Variants in NPR3 observed in about 807,000 individuals in gnomAD.
The protein encoded by NPR3 is natriuretic peptide receptor 3.
In NPR3, 34 loss-of-function variants were observed where a neutral mutation model predicts 54.5. The observed-to-expected ratio is 0.62, with a 90% CI of 0.47 to 0.83. The LOEUF (loss-of-function observed/expected upper bound fraction) is 0.83, where lower values mean the gene tolerates loss of function less well. NPR3 is among the 40% of genes least tolerant of loss of function. The pLI is 0.00. For missense variants in NPR3, 674 were observed against 720.8 expected (o/e 0.94, Z 0.74); for synonymous variants, 289 against 297.1 (o/e 0.97, Z 0.28).
At chr5:32,752,360 G>A (rs1261411111) in intron 3 of NPR3, among the ~76,000 whole-genome samples, 1 of 152,172 alleles carries the variant, frequency 6.6e-6, no homozygotes, top group Admixed American at 6.5e-5. Context: ...GACACTTCCT[G>A]CCCTCTTGCC....
At chr5:32,751,125 A>T (rs561602961) in intron 3 of NPR3, among the ~76,000 whole-genome samples, 1 of 151,692 alleles carries the variant, frequency 6.6e-6, no homozygotes, top group East Asian at 1.9e-4. Flanking sequence ...GAGGTGACTC[A>T]ATTTTAAGGT....
At chr5:32,770,832 A>G (rs1442462780) in intron 3 of NPR3, among the ~76,000 whole-genome samples, 1 of 152,220 alleles carries the variant, frequency 6.6e-6, no homozygotes, top group East Asian at 1.9e-4. Flanking sequence ...GCAATAAAGG[A>G]TGCTAATTAC....
At position 32,711,321 on chromosome 5, in the gene NPR3, G is replaced by C. The variant is rs981846640; in HGVS notation, c.-456G>C. ...AACGCGGGCTATGGATCCAGGAACC[G>C]GCGCGAATCAATGAGATCAAATGCG... On this transcript the variant is annotated 5_prime_UTR_variant, in exon 1 of 8. Transcript: ENST00000265074. 3.0e-6 allele frequency: 3 copies of C among 984,452 alleles called. No homozygotes were observed. The highest frequency in any genetic ancestry group is 1.1e-4 in the East Asian group (1 of 8,746). 61.0% of individuals were successfully genotyped at this position (984,452 alleles called of 1,614,324 possible).
intron 5 of NPR3, among the ~76,000 whole-genome samples, chr5:32,781,051 T>A (rs915493413): frequency 6.6e-6 from 1 of 152,140 alleles, no homozygotes; most frequent in African/African-American, 2.4e-5. Context: ...CTTAGTCTTG[T>A]GGATGAGGGT....
intron 1 of NPR3, chr5:32,713,565 C>T: frequency 1.3e-6 from 1 of 778,838 alleles, no homozygotes; most frequent in Non-Finnish European, 1.6e-6. Flanking sequence ...GCTCACGCGC[C>T]TGGAATGTGA....
upstream of NPR3, among the ~76,000 whole-genome samples, chr5:32,711,048 T>A (rs1187262480): frequency 1.3e-5 from 2 of 152,048 alleles, no homozygotes; most frequent in Non-Finnish European, 2.9e-5. Flanking sequence ...CTCTTGCCGG[T>A]GCAGACGTGG....
chr5:32,722,572 G>C (rs2111884345), intron 1 of NPR3, among the ~76,000 whole-genome samples: 2 of 152,314 alleles, frequency 1.3e-5, no homozygotes, highest in South Asian at 4.1e-4. Context: ...CTGAGAGCCA[G>C]ACCCTGGACT....
chr5:32,713,233 C>T, intron 1 of NPR3: 1 of 985,462 alleles, frequency 1.0e-6, no homozygotes, highest in Non-Finnish European at 1.2e-6. Context: ...CTAATGCGCC[C>T]AGAGCTAAGC....
In NPR3 at chr5:32,784,694, C is replaced by T. The variant is rs1742515641; in HGVS notation, c.1427-102C>T. On this transcript the variant is annotated intron_variant, in intron 6 of 7. Transcript: ENST00000265074. ...AATATTTCTGAAAAAGGAAAAGTTG[C>T]CTCCAATGGGAAATCGAGGAACTTC... The T allele has an allele frequency of 7.1e-6, 6 of 840,220 alleles. 1 individual carries two copies. In the East Asian group the frequency reaches 1.3e-4, roughly 18 times the overall value. 52.0% of individuals were successfully genotyped at this position (840,220 alleles called of 1,614,324 possible).
chr5:32,724,896 G>A (rs1561086689), intron 2 of NPR3, 76 bp downstream of exon 2: 1 of 1,517,964 alleles, frequency 6.6e-7, no homozygotes, highest in Non-Finnish European at 9.1e-7. Flanking sequence ...ATGGTGGGTT[G>A]GATAAATAAT....
chr5:32,712,189 A>G lies in NPR3; in HGVS notation c.413A>G (p.Tyr138Cys). 1 of 1,612,984 alleles carries G rather than the reference A, an allele frequency of 6.2e-7. No individual in the cohort carries two copies. Among genetic ancestry groups the G allele is most frequent in the Non-Finnish European group, 8.5e-7 (1 of 1,179,700 alleles). Residue 138 changes from tyrosine (Y) to cysteine (C), a missense_variant, in exon 1 of 8, where the codon TAT becomes TGT. Coordinates refer to ENST00000265074, the MANE Select transcript of NPR3 (RefSeq NM_001204375.2). ...CTTATCCTGGGGCCAGTGTGCGAGT[A>G]TGCAGCAGCGCCAGTGGCCCGGCTT... is the stretch of plus-strand genomic sequence containing the variant. Reference protein sequence around the residue: ...PDLILGPVCEYAAAPVARLAS... With the variant: ...PDLILGPVCECAAAPVARLAS...
chr5:32,765,457 A>G (rs757297428), intron 3 of NPR3, among the ~76,000 whole-genome samples: 12 of 152,148 alleles, frequency 7.9e-5, no homozygotes, highest in Non-Finnish European at 1.6e-4. Context: ...ATGGCATGCT[A>G]TGGGCAGGCA....
At chr5:32,732,674 A>G (rs1739525671) in intron 2 of NPR3, among the ~76,000 whole-genome samples, 1 of 152,164 alleles carries the variant, frequency 6.6e-6, no homozygotes, top group Non-Finnish European at 1.5e-5. Context: ...TCTGCTATAC[A>G]TCAGTAGTAA....
At chr5:32,717,227 C>A (rs1738606385) in intron 1 of NPR3, among the ~76,000 whole-genome samples, 1 of 152,116 alleles carries the variant, frequency 6.6e-6, no homozygotes. Flanking sequence ...GTATATGTGC[C>A]ACATTTTCTT....
At chr5:32,767,777 T>C (rs921148483) in intron 3 of NPR3, among the ~76,000 whole-genome samples, 32 of 151,984 alleles carry the variant, frequency 2.1e-4, no homozygotes, top group African/African-American at 7.2e-4. Context: ...TATAAAAACC[T>C]GTATTTTTGT....
chr5:32,754,228 G>T (rs1740718620), intron 3 of NPR3, among the ~76,000 whole-genome samples: 1 of 152,174 alleles, frequency 6.6e-6, no homozygotes, highest in African/African-American at 2.4e-5. Context: ...TAATTGATGG[G>T]TATTAAAACA....
upstream of NPR3, chr5:32,710,916 G>GTGTGTGTGTA (rs1445594324): frequency 5.1e-6 from 4 of 782,176 alleles, no homozygotes; most frequent in Non-Finnish European, 7.0e-6. Flanking sequence ...GTGTGTGTGT[G>GTGTGTGTGTA]TATGTGTGCG....
chr5:32,775,990 C>T (rs1326493206), intron 4 of NPR3, among the ~76,000 whole-genome samples: 2 of 152,166 alleles, frequency 1.3e-5, no homozygotes, highest in Non-Finnish European at 2.9e-5. Flanking sequence ...TTAAACAGTA[C>T]AAAAATGTGC....
chr5:32,737,103 C>G (rs1739788600), intron 2 of NPR3, among the ~76,000 whole-genome samples: 1 of 152,140 alleles, frequency 6.6e-6, no homozygotes. Flanking sequence ...GCCAAGCATG[C>G]CTTCCACCCT....
Sources: allele counts gnomAD v4.1 joint callset (sites outside exome capture counted in the v4.1 genomes callset), GRCh38; gene constraint gnomAD v4.1.1; transcripts MANE v1.5; gene names NCBI Gene and HGNC (gene_info 2026-07-23, HGNC 2026-07-21).